Variants in MAOB observed in about 807,000 individuals in gnomAD.
MAOB encodes the protein monoamine oxidase B.
MAOB carries 15 observed loss-of-function variants against 41.9 expected under a neutral mutation model. The ratio of observed to expected loss-of-function variants is 0.36; its 90% CI spans 0.24 to 0.55. The LOEUF (loss-of-function observed/expected upper bound fraction) is 0.55, where lower values mean the gene tolerates loss of function less well. Among genes scored for constraint, MAOB ranks in the 20% least tolerant of loss-of-function variants. The pLI, the probability that MAOB is intolerant of heterozygous loss-of-function variation, is 0.86. For missense variants in MAOB, 345 were observed against 398.7 expected (o/e 0.87, Z 1.15); for synonymous variants, 167 against 144.2 (o/e 1.16, Z -1.13).
chrX:43,864,906 G>A (rs2035355506), intron 1 of MAOB, among the ~76,000 whole-genome samples: 1 of 111,756 alleles, frequency 8.9e-6, no homozygotes, highest in Non-Finnish European at 1.9e-5. Context: ...CCAGGAGGCA[G>A]CACAAAATGA....
At chrX:43,807,465 T>A (rs1392527617) in intron 3 of MAOB, among the ~76,000 whole-genome samples, 4 of 112,434 alleles carry the variant, frequency 3.6e-5, no homozygotes, top group Non-Finnish European at 7.5e-5. Context: ...TGCCGCTAAC[T>A]CCACTGCACC....
In MAOB at chrX:43,838,075, G is replaced by T. The variant is rs185739232; in HGVS notation, c.279+793C>A. 5.9e-4 allele frequency: 167 copies of T among 282,340 alleles called. 2 individuals are homozygous for T. The Middle Eastern group carries it at 9.5e-3, about 16-fold the overall frequency. 23.3% of individuals were successfully genotyped at this position (282,340 alleles called of 1,213,427 possible). On this transcript the variant is annotated intron_variant, in intron 3 of 14. Transcript: ENST00000378069. ...TATTAGAATGAATGTCCAACATTCA[G>T]TTCTAATCTGTTTGTATTTCTGCAA...
chrX:43,819,535 C>T (rs765335517), intron 3 of MAOB, among the ~76,000 whole-genome samples: 1 of 111,574 alleles, frequency 9.0e-6, no homozygotes, highest in Non-Finnish European at 1.9e-5. Flanking sequence ...TGTTGATCCC[C>T]ACAGTACCCA....
At chrX:43,877,797 G>A (rs1379425829) in intron 1 of MAOB, among the ~76,000 whole-genome samples, 1 of 111,922 alleles carries the variant, frequency 8.9e-6, no homozygotes, top group African/African-American at 3.2e-5. Context: ...CCCCTTGCGG[G>A]GGGATAAAGG....
At chrX:43,849,026 T>C (rs1001269718) in intron 1 of MAOB, among the ~76,000 whole-genome samples, 1 of 111,968 alleles carries the variant, frequency 8.9e-6, no homozygotes, top group Non-Finnish European at 1.9e-5. Context: ...GAGATAAATA[T>C]CACCAATTTG....
At chrX:43,853,284 A>G (rs1298985536) in intron 1 of MAOB, among the ~76,000 whole-genome samples, 133 of 108,530 alleles carry the variant, frequency 1.2e-3, no homozygotes, top group Non-Finnish European at 1.6e-3. Flanking sequence ...AAAAAAAAAA[A>G]AAAAAGAAAA....
chrX:43,828,304 C>T (rs1036171298), intron 3 of MAOB, among the ~76,000 whole-genome samples: 1 of 112,157 alleles, frequency 8.9e-6, no homozygotes, highest in African/African-American at 3.2e-5. Flanking sequence ...GTATGGCTCT[C>T]TATTCTTACG....
chrX:43,865,450 T>C (rs2035358902), intron 1 of MAOB, among the ~76,000 whole-genome samples: 1 of 112,031 alleles, frequency 8.9e-6, no homozygotes, highest in South Asian at 3.7e-4. Context: ...TGTGGAGTTT[T>C]CTTTTAGGGA....
chrX:43,819,123 G>A (rs952999673), intron 3 of MAOB, among the ~76,000 whole-genome samples: 4 of 111,865 alleles, frequency 3.6e-5, no homozygotes, highest in African/African-American at 1.3e-4. Context: ...AAAGTTTGGC[G>A]TGGAACTACT....
intron 12 of MAOB, among the ~76,000 whole-genome samples, chrX:43,770,192 G>T (rs111710833): frequency 0.011 from 1,267 of 111,237 alleles, 29 homozygotes; most frequent in African/African-American, 0.039. Flanking sequence ...AATAGCAGTT[G>T]CATCCAGTGA....
intron 1 of MAOB, among the ~76,000 whole-genome samples, chrX:43,849,525 C>T (rs1411078787): frequency 8.9e-6 from 1 of 112,723 alleles, no homozygotes; most frequent in Non-Finnish European, 1.9e-5. Context: ...GTCCTTCATT[C>T]AGGCGAATGC....
intron 8 of MAOB, among the ~76,000 whole-genome samples, chrX:43,790,308 C>A (rs1299026358): frequency 8.9e-6 from 1 of 112,094 alleles, no homozygotes; most frequent in Non-Finnish European, 1.9e-5. Context: ...TCATTGAATA[C>A]ACTTATCAAT....
chrX:43,822,465 A>G (rs1313518776), intron 3 of MAOB, among the ~76,000 whole-genome samples: 1 of 111,812 alleles, frequency 8.9e-6, no homozygotes, highest in African/African-American at 3.3e-5. Context: ...TTAGAAGAAT[A>G]TTCTGAAGAC....
rs1470898078 is a variant in MAOB, at chrX:43,795,849, G to A, written c.658C>T (p.Arg220Trp). 34 of 1,207,659 alleles carry A rather than the reference G, an allele frequency of 2.8e-5. No individual in the cohort carries two copies. The highest frequency in any genetic ancestry group is 3.7e-5 in the Non-Finnish European group (33 of 893,682). Residue 220 changes from arginine (R) to tryptophan (W), a missense_variant, in exon 7 of 15, where the codon CGG (arginine) becomes TGG (tryptophan). Arg to Trp is a moderately radical substitution (Grantham distance 101). Coordinates refer to ENST00000378069, the MANE Select transcript of MAOB (RefSeq NM_000898.5). ...FVGGSGQVSE[R>W]IMDLLGDRVK... ...CGGTCTCCAAGGAGGTCCATTATCC[G>A]CTCACTCACTTGACCAGATCCGCCC...
chrX:43,768,789 T>C, intron 13 of MAOB, 73 bp from the exon 14 acceptor site: 3 of 857,552 alleles, frequency 3.5e-6, no homozygotes, highest in Non-Finnish European at 5.2e-6. Flanking sequence ...CCTAAAGGAC[T>C]AAGTAACTGT....
intron 1 of MAOB, among the ~76,000 whole-genome samples, chrX:43,861,757 AG>A (rs1431036721): frequency 1.8e-5 from 2 of 111,734 alleles, no homozygotes; most frequent in African/African-American, 6.5e-5. Flanking sequence ...CTGCACTGTT[AG>A]ATTATTGAAA....
At position 43,830,505 on chromosome X, in the gene MAOB, T is replaced by G. The variant is rs191361319; in HGVS notation, c.279+8363A>C. Among the ~76,000 whole-genome samples, 7 of 112,446 alleles carry G rather than the reference T, an allele frequency of 6.2e-5. No individual in the cohort carries two copies. In the East Asian group the frequency reaches 2.0e-3, roughly 31 times the overall value. ...CTATTTATGATCGATTTAGCCTGTT[T>G]GGGCATGTGAGTTTAGTTGCAGCCA... is the stretch of plus-strand genomic sequence containing the variant. On this transcript the variant is annotated intron_variant, in intron 3 of 14. Transcript: ENST00000378069.
rs1308300908 is a variant in MAOB at position 43,793,479 on chromosome X, G to C, written c.868C>G (p.Pro290Ala). 8.3e-7 allele frequency: 1 copy of C among 1,202,914 alleles called. No homozygotes were observed. The change falls in exon 8 of 15, where the codon CCT becomes GCT. Residue 290 changes from proline (P) to alanine (A), a missense_variant. Coordinates refer to ENST00000378069, the MANE Select transcript of MAOB (RefSeq NM_000898.5). ...MMRNQMITRV[P>A]LGSVIKCIVY... ...ATACACTTGATGACTGAACCCAAAG[G>C]CACACGAGTGATCATCTGGTTTCTC...
intron 1 of MAOB, among the ~76,000 whole-genome samples, chrX:43,879,677 G>A (rs753438835): frequency 3.6e-5 from 4 of 110,845 alleles, no homozygotes; most frequent in East Asian, 2.8e-4. Flanking sequence ...TGTGACACAC[G>A]CCATTTGATG....
Sources: gnomAD v4.1 joint callset for allele counts (sites outside exome capture counted in the v4.1 genomes callset) on GRCh38, gnomAD v4.1.1 for gene constraint, MANE v1.5 for transcripts, NCBI Gene and HGNC (gene_info 2026-07-23, HGNC 2026-07-21) for gene names.